Variants in CNKSR3 observed in about 807,000 individuals in gnomAD.
The protein encoded by CNKSR3 is CNKSR family member 3, also known as connector enhancer of kinase suppressor of ras 3.
A neutral mutation model predicts 67.7 loss-of-function variants in CNKSR3; 36 were observed. The observed-to-expected ratio is 0.53, with a 90% confidence interval of 0.41 to 0.70. The LOEUF is 0.70. Among genes scored for constraint, CNKSR3 ranks in the 30% least tolerant of loss-of-function variants. CNKSR3 has a pLI of 0.00. For missense variants in CNKSR3, 630 were observed against 695.2 expected (o/e 0.91, Z 1.05); for synonymous variants, 281 against 271.4 (o/e 1.04, Z -0.35).
At chr6:154,464,186 C>T (rs1200545532) in intron 1 of CNKSR3, among the ~76,000 whole-genome samples, 2 of 152,084 alleles carry the variant, frequency 1.3e-5, no homozygotes. Flanking sequence ...ATACAGAAAA[C>T]CAGATCCTGG....
At chr6:154,455,030 C>G (rs116220828) in intron 1 of CNKSR3, among the ~76,000 whole-genome samples, 1 of 151,620 alleles carries the variant, frequency 6.6e-6, no homozygotes, top group Non-Finnish European at 1.5e-5. Flanking sequence ...TGACTTTGGA[C>G]GGGCACAGTG....
At chr6:154,423,059 C>T in intron 7 of CNKSR3, 76 bp from the exon 8 acceptor site, 1 of 994,560 alleles carries the variant, frequency 1.0e-6, no homozygotes, top group African/African-American at 1.7e-5. Flanking sequence ...CTTCTTTCTT[C>T]TGTAGACAAT....
chr6:154,468,029 G>C (rs1786240400), intron 1 of CNKSR3, among the ~76,000 whole-genome samples: 1 of 149,124 alleles, frequency 6.7e-6, no homozygotes. Context: ...CAAAGTGCTG[G>C]GATTACAGGC....
In CNKSR3 at chr6:154,442,169, G is replaced by A. The variant is rs1183654856; in HGVS notation, c.338C>T (p.Ser113Phe). The A allele has an allele frequency of 1.9e-6, 3 of 1,614,112 alleles. No homozygotes were observed. The African/African-American group carries it at 4.0e-5, about 22-fold the overall frequency. The stretch of plus-strand genomic sequence containing the variant: ...CAGGAACTCATTGGGGGCCTTGCGG[G>A]AGGTGTTGCCATCGTAAGCGGGACT... ...RKSPAYDGNT[S>F]RKAPNEFLTS... The change falls in exon 3 of 13, where the codon TCC becomes TTC. Residue 113 changes from serine (S) to phenylalanine (F), a missense_variant. Ser to Phe is a radical substitution (Grantham distance 155). Transcript: ENST00000607772.
intron 1 of CNKSR3, among the ~76,000 whole-genome samples, chr6:154,499,444 G>GCCCAGGAATTTACATGTTCAC (rs1340354348): frequency 6.6e-6 from 1 of 152,142 alleles, no homozygotes; most frequent in African/African-American, 2.4e-5. Flanking sequence ...CTGGGGTGAG[G>GCCCAGGAATTTACATGTTCAC]CCCAGGAATT....
rs1487999718 is a variant in CNKSR3 at position 154,412,611 on chromosome 6, C to T, written c.1071-1469G>A. The stretch of plus-strand genomic sequence containing the variant: ...CTTAAGATCCTGCAAACCAGAATGC[C>T]CCGATCACCTGAGGTACATTCTCTA... On this transcript the variant is annotated intron_variant, in intron 10 of 12. Coordinates refer to ENST00000607772, the MANE Select transcript of CNKSR3 (RefSeq NM_173515.4). Among the ~76,000 whole-genome samples, 7 of 152,176 alleles carry T rather than the reference C, an allele frequency of 4.6e-5. No individual in the cohort carries two copies. In the East Asian group the frequency reaches 1.2e-3, roughly 25 times the overall value.
intron 6 of CNKSR3, among the ~76,000 whole-genome samples, chr6:154,429,566 T>C (rs1785322618): frequency 1.3e-5 from 2 of 152,200 alleles, no homozygotes; most frequent in South Asian, 4.1e-4. Flanking sequence ...ATCATTTGCT[T>C]TGAAGCCAAG....
chr6:154,499,750 G>A (rs890219548), intron 1 of CNKSR3, among the ~76,000 whole-genome samples: 3 of 152,110 alleles, frequency 2.0e-5, no homozygotes, highest in Admixed American at 6.5e-5. Context: ...GATCATAGGC[G>A]TGAGCCACTA....
intron 4 of CNKSR3, among the ~76,000 whole-genome samples, chr6:154,434,602 A>AT (rs1302030671): frequency 6.6e-6 from 1 of 152,146 alleles, no homozygotes; most frequent in Non-Finnish European, 1.5e-5. Flanking sequence ...TTTGTTTAAA[A>AT]TTTTTTCTAC....
At chr6:154,449,073 C>A (rs1167963108) in intron 2 of CNKSR3, among the ~76,000 whole-genome samples, 3 of 152,178 alleles carry the variant, frequency 2.0e-5, no homozygotes, top group African/African-American at 7.2e-5. Flanking sequence ...TTGGCCCACA[C>A]CTAACGAAGC....
In CNKSR3 at chr6:154,394,201, G is replaced by C. The variant is rs1055379637; in HGVS notation, c.*12153C>G. On this transcript the variant is annotated 3_prime_UTR_variant, in exon 13 of 13. Transcript: ENST00000607772. Reference sequence around the variant, plus strand: ...GCCTGGTTGTTATATTTTTTTGAAAGATAGGGTCTCACTATGGTGCCCAGC... The same window carrying C: ...GCCTGGTTGTTATATTTTTTTGAAACATAGGGTCTCACTATGGTGCCCAGC... 6.6e-6 allele frequency: 1 copy of C among 152,152 alleles called. No homozygotes were observed. The highest frequency in any genetic ancestry group is 6.5e-5 in the Admixed American group (1 of 15,272). The allele number at this position is 152,152 out of a possible 1,614,324, so 9.4% of individuals were successfully genotyped here.
intron 1 of CNKSR3, among the ~76,000 whole-genome samples, chr6:154,492,545 G>A (rs1241565468): frequency 6.6e-6 from 1 of 151,790 alleles, no homozygotes; most frequent in Non-Finnish European, 1.5e-5. Context: ...CAGGAGTTTG[G>A]GACCAGCCTG....
intron 12 of CNKSR3, among the ~76,000 whole-genome samples, chr6:154,409,881 CA>C (rs56081008): frequency 0.018 from 2,254 of 126,484 alleles, 28 homozygotes; most frequent in African/African-American, 0.03. Context: ...CTGTCTCTAC[CA>C]AAAAAAAAAA....
chr6:154,426,265 G>A (rs1320080449), intron 7 of CNKSR3, among the ~76,000 whole-genome samples: 1 of 152,156 alleles, frequency 6.6e-6, no homozygotes, highest in Non-Finnish European at 1.5e-5. Context: ...ATTCTGGTAG[G>A]AATTCAGGGA....
At chr6:154,428,624 C>T (rs951004466) in intron 6 of CNKSR3, among the ~76,000 whole-genome samples, 1 of 152,042 alleles carries the variant, frequency 6.6e-6, no homozygotes, top group Non-Finnish European at 1.5e-5. Flanking sequence ...CTCAAGTGAT[C>T]CTCTCACCTC....
intron 4 of CNKSR3, 50 bp downstream of exon 4, chr6:154,441,242 C>CAAAAAAAAA (rs34887626): frequency 3.9e-5 from 33 of 847,470 alleles, no homozygotes; most frequent in South Asian, 1.5e-4. Context: ...AGAGGAAAAG[C>CAAAAAAAAA]AAAAAAAAAA....
chr6:154,408,213 C>T lies in CNKSR3; in HGVS notation c.1370-1561G>A, dbSNP rs780966577. 2.6e-5 allele frequency among the ~76,000 whole-genome samples: 4 copies of T among 151,986 alleles called. No individual in the cohort carries two copies. In the East Asian group the frequency reaches 5.8e-4, roughly 22 times the overall value. On this transcript the variant is annotated intron_variant, in intron 12 of 12. Coordinates refer to ENST00000607772, the MANE Select transcript of CNKSR3 (RefSeq NM_173515.4). ...CCAATTTTTGTATTTTTAGTAGAGA[C>T]GGGGTTTCACCATGTTGGCCAGGCT... is the stretch of plus-strand genomic sequence containing the variant.
rs1325726838 is a variant in CNKSR3, at chr6:154,406,635, G to A, written c.1387C>T (p.Arg463Trp). 7 of 1,612,226 alleles carry A rather than the reference G, an allele frequency of 4.3e-6. No homozygotes were observed. The highest frequency in any genetic ancestry group is 1.6e-4 in the Middle Eastern group (1 of 6,080). ...HGRKGEDALCRYFSNERIPPI... is the reference protein window; with the variant it reads ...HGRKGEDALCWYFSNERIPPI... ...GGAATCCGCTCGTTACTGAAATACC[G>A]GCAAAGGGCATCCTCCCCTGTTTCC... The change falls in exon 13 of 13, where the codon CGG (arginine) becomes TGG (tryptophan). Residue 463 changes from arginine to tryptophan, a missense_variant. Physicochemically the swap from Arg to Trp is moderately radical, Grantham distance 101. This residue lies in a region of CNKSR3 where 308 missense variants were observed against 299.6 expected (regional missense o/e 1.03). Transcript: ENST00000607772.
At chr6:154,433,578 T>C (rs1001416815) in intron 4 of CNKSR3, 71 bp from the exon 5 acceptor site, 59 of 1,165,384 alleles carry the variant, frequency 5.1e-5, no homozygotes, top group Non-Finnish European at 6.9e-5. Context: ...TTGGCCTAGC[T>C]TTCTAGACAT....
Sources: allele counts gnomAD v4.1 joint callset (sites outside exome capture counted in the v4.1 genomes callset), GRCh38; gene constraint gnomAD v4.1.1; regional missense constraint gnomAD v4.1.1; transcripts MANE v1.5; gene names NCBI Gene and HGNC (gene_info 2026-07-23, HGNC 2026-07-21).